Variants in DDX60L observed in about 807,000 individuals in gnomAD.
DDX60L encodes probable ATP-dependent RNA helicase DDX60-like.
In DDX60L, 191 loss-of-function variants were observed where a neutral mutation model predicts 211.6. The ratio of observed to expected loss-of-function variants is 0.90; its 90% CI spans 0.80 to 1.02. The LOEUF is 1.02. Among genes scored for constraint, DDX60L ranks in the 50% least tolerant of loss-of-function variants. The pLI is 0.00. For missense variants in DDX60L, 2,007 were observed against 1,984.1 expected (o/e 1.01, Z -0.22); for synonymous variants, 706 against 694.1 (o/e 1.02, Z -0.27).
intron 29 of DDX60L, among the ~76,000 whole-genome samples, chr4:168,387,718 T>A (rs959872126): frequency 6.6e-6 from 1 of 152,196 alleles, no homozygotes; most frequent in African/African-American, 2.4e-5. Flanking sequence ...ATCTGTGTAA[T>A]AGATTAAGCA....
intron 4 of DDX60L, among the ~76,000 whole-genome samples, chr4:168,463,896 A>T (rs1010839057): frequency 2.0e-5 from 3 of 152,226 alleles, no homozygotes; most frequent in African/African-American, 7.2e-5. Flanking sequence ...TGTAATTTTT[A>T]AAAACCATAG....
At chr4:168,377,928 G>A (rs1485421392) in intron 33 of DDX60L, 1 of 152,472 alleles carries the variant, frequency 6.6e-6, no homozygotes, top group East Asian at 1.9e-4. Context: ...CAACCCTTAA[G>A]TTAGGGGATT....
At chr4:168,470,837 T>C (rs1172374556) in intron 4 of DDX60L, 3 of 250,688 alleles carry the variant, frequency 1.2e-5, no homozygotes, top group East Asian at 1.4e-4. Context: ...CGAAACTCCA[T>C]CTAAAAAAAA....
chr4:168,404,756 T>C lies in DDX60L; in HGVS notation c.3214-650A>G, dbSNP rs74413904. On this transcript the variant is annotated intron_variant, in intron 24 of 37. Coordinates refer to ENST00000682922, the MANE Select transcript of DDX60L (RefSeq NM_001012967.3). ...CTACCTCTTTTTTAATCAGAAAAAA[T>C]AAATGTTATTTTACATCAGGAAAAT... Among the ~76,000 whole-genome samples the C allele has an allele frequency of 1.8e-4, 27 of 152,284 alleles. No homozygotes were observed. In the East Asian group the frequency reaches 5.0e-3, roughly 28 times the overall value.
At chr4:168,413,942 A>G (rs921925501) in intron 22 of DDX60L, among the ~76,000 whole-genome samples, 4 of 152,182 alleles carry the variant, frequency 2.6e-5, no homozygotes, top group Admixed American at 6.5e-5. Flanking sequence ...TTTAATAATC[A>G]TACTCCCAAA....
intron 25 of DDX60L, among the ~76,000 whole-genome samples, chr4:168,402,059 C>A (rs1388004614): frequency 6.6e-6 from 1 of 150,768 alleles, no homozygotes; most frequent in African/African-American, 2.4e-5. Context: ...TCTTCAAGGT[C>A]ACATAGCCTA....
chr4:168,360,009 T>C (rs1738831946), intron 37 of DDX60L, among the ~76,000 whole-genome samples: 3 of 152,258 alleles, frequency 2.0e-5, no homozygotes, highest in African/African-American at 4.8e-5. Context: ...ATTAATCTAC[T>C]TAATGAATTT....
intron 4 of DDX60L, chr4:168,470,723 C>T (rs1758646222): frequency 6.1e-6 from 1 of 163,020 alleles, no homozygotes; most frequent in African/African-American, 2.4e-5. Context: ...GCCTGTAATC[C>T]CAGCTACTTG....
chr4:168,408,023 G>C (rs921106913), intron 22 of DDX60L, among the ~76,000 whole-genome samples: 1 of 152,170 alleles, frequency 6.6e-6, no homozygotes. Context: ...GAACACACTA[G>C]TAACTGTATT....
rs1045130583 is a variant in DDX60L at position 168,357,120 on chromosome 4, T to A, written c.*1027A>T. The A allele has an allele frequency of 6.6e-6, 1 of 152,226 alleles. No individual in the cohort carries two copies. 9.4% of individuals were successfully genotyped at this position (152,226 alleles called of 1,614,324 possible). ...GGGCAGAAACAATCTGAATTCCATA[T>A]TCGGGTTCACAGGGTATATATATTT... On this transcript the variant is annotated 3_prime_UTR_variant, in exon 38 of 38. Transcript: ENST00000682922.
intron 23 of DDX60L, among the ~76,000 whole-genome samples, 182 bp from the exon 24 acceptor site, chr4:168,406,260 G>A (rs1047392829): frequency 2.0e-5 from 3 of 152,094 alleles, no homozygotes; most frequent in Non-Finnish European, 4.4e-5. Context: ...GATGATGGGT[G>A]AACTCTTCAA....
intron 12 of DDX60L, among the ~76,000 whole-genome samples, chr4:168,431,853 G>C (rs759088500): frequency 5.9e-5 from 9 of 152,046 alleles, no homozygotes; most frequent in Non-Finnish European, 1.2e-4. Flanking sequence ...TGTTTCATGG[G>C]CTTTACTTTT....
At chr4:168,367,408 G>A (rs1024795495) in intron 36 of DDX60L, among the ~76,000 whole-genome samples, 13 of 152,270 alleles carry the variant, frequency 8.5e-5, no homozygotes, top group South Asian at 2.1e-4. Flanking sequence ...CATGTGAGAC[G>A]TGCCTTTCAC....
At position 168,375,532 on chromosome 4, in the gene DDX60L, C is replaced by A. The variant is rs776965907; in HGVS notation, c.4486-8G>T. 20 of 1,577,090 alleles carry A rather than the reference C, an allele frequency of 1.3e-5. No homozygotes were observed. The highest frequency in any genetic ancestry group is 1.6e-5 in the Non-Finnish European group (19 of 1,165,268). On this transcript the variant is annotated splice_polypyrimidine_tract_variant and splice_region_variant and intron_variant, in intron 33 of 37. Coordinates refer to ENST00000682922, the MANE Select transcript of DDX60L (RefSeq NM_001012967.3). ...GAGTTCGGCAAGGATCACCTATGGG[C>A]GAAATACATTTCAGAAAGATCTCTT...
At chr4:168,441,547 C>A in intron 9 of DDX60L, 55 bp from the exon 10 acceptor site, 1 of 1,376,552 alleles carries the variant, frequency 7.3e-7, no homozygotes, top group Non-Finnish European at 9.9e-7. Context: ...TGCAGACACA[C>A]ACAGAGCATC....
chr4:168,362,016 G>A (rs1173844436), intron 36 of DDX60L, among the ~76,000 whole-genome samples: 1 of 152,182 alleles, frequency 6.6e-6, no homozygotes, highest in Non-Finnish European at 1.5e-5. Context: ...CACCCACTGG[G>A]GAAAAGGCAG....
intron 36 of DDX60L, among the ~76,000 whole-genome samples, chr4:168,370,422 G>C (rs1370768258): frequency 1.3e-5 from 2 of 152,096 alleles, no homozygotes; most frequent in African/African-American, 4.8e-5. Context: ...ACAAAGATTG[G>C]GGAGGGGAAG....
intron 29 of DDX60L, chr4:168,390,126 T>C: frequency 1.0e-6 from 1 of 985,808 alleles, no homozygotes; most frequent in Non-Finnish European, 1.2e-6. Context: ...TTTTATTCTG[T>C]CCTAGGAGAT....
intron 29 of DDX60L, chr4:168,390,577 G>A (rs1429041250): frequency 1.0e-6 from 1 of 975,782 alleles, no homozygotes; most frequent in Non-Finnish European, 1.4e-6. Context: ...TAAGCAAAAT[G>A]ATAAAATTTA....
Sources: gnomAD v4.1 joint callset for allele counts (sites outside exome capture counted in the v4.1 genomes callset) on GRCh38, gnomAD v4.1.1 for gene constraint, MANE v1.5 for transcripts, NCBI Gene and HGNC (gene_info 2026-07-23, HGNC 2026-07-21) for gene names.